The following ADGRG6 variants were observed in gnomAD, a reference collection of about 807,000 sequenced individuals.
ADGRG6 encodes the protein adhesion G protein-coupled receptor G6.
A neutral mutation model predicts 142.4 loss-of-function variants in ADGRG6; 84 were observed. The ratio of observed to expected loss-of-function variants is 0.59; its 90% CI spans 0.49 to 0.71. ADGRG6 has a LOEUF of 0.71. Ranked by LOEUF, ADGRG6 falls within the 30% of genes least tolerant of loss-of-function variation. The pLI, the probability that ADGRG6 is intolerant of heterozygous loss-of-function variation, is 0.00. For synonymous variants in ADGRG6, 521 were observed against 520.5 expected, an observed-to-expected ratio of 1.00 and a Z score of -0.01; for missense variants, 1,367 against 1,466.6, an observed-to-expected ratio of 0.93 and a Z score of 1.11.
rs564309071 is a variant in ADGRG6, at chr6:142,327,780, A to G, written c.103+18136A>G. On this transcript the variant is annotated intron_variant, in intron 2 of 24. Transcript: ENST00000367609. ...GAGTTGAAATATGCCTCCATGACTC[A>G]TTGTAATGATCAGTAATCATAAACT... is the stretch of plus-strand genomic sequence containing the variant. 1.3e-4 allele frequency among the ~76,000 whole-genome samples: 20 copies of G among 152,258 alleles called. 1 individual carries two copies. The highest frequency in any genetic ancestry group is 3.9e-4 in the African/African-American group (16 of 41,552).
intron 18 of ADGRG6, among the ~76,000 whole-genome samples, chr6:142,412,280 A>G (rs1776127908): frequency 6.6e-6 from 1 of 152,148 alleles, no homozygotes; most frequent in Non-Finnish European, 1.5e-5. Flanking sequence ...GTTTTCATAA[A>G]GGGACCAAAC....
chr6:142,409,887 C>A lies in ADGRG6; in HGVS notation c.2402C>A (p.Pro801His). 6.7e-7 allele frequency: 1 copy of A among 1,481,756 alleles called. No individual in the cohort carries two copies. Among genetic ancestry groups the A allele is most frequent in the Non-Finnish European group, 9.3e-7 (1 of 1,074,394 alleles). 91.8% of individuals were successfully genotyped at this position (1,481,756 alleles called of 1,614,324 possible). ...ATGTTAATATAGGAAGTGCATCATC[C>A]CATCTGTGCCTTCTGGGATCTGAAC... The part of the protein sequence containing the change: ...KHTRTQEVHH[P>H]ICAFWDLNKN... The change falls in exon 17 of 25, where the codon CCC becomes CAC. Residue 801 changes from proline to histidine, a missense_variant. Transcript: ENST00000367609.
At chr6:142,370,146 C>T (rs1370417266) in intron 3 of ADGRG6, 24 bp from the exon 4 acceptor site, 1 of 1,567,636 alleles carries the variant, frequency 6.4e-7, no homozygotes, top group East Asian at 2.3e-5. Context: ...ACAGGTTTAT[C>T]TTTCTTGTTA....
At chr6:142,348,994 T>C (rs1219196024) in intron 2 of ADGRG6, among the ~76,000 whole-genome samples, 1 of 152,228 alleles carries the variant, frequency 6.6e-6, no homozygotes, top group African/African-American at 2.4e-5. Context: ...AAACTTTGTT[T>C]CAAAGTTACA....
At chr6:142,418,914 G>T (rs1245695252) in intron 21 of ADGRG6, among the ~76,000 whole-genome samples, 2 of 152,000 alleles carry the variant, frequency 1.3e-5, no homozygotes, top group African/African-American at 2.4e-5. Flanking sequence ...TGACAACTTT[G>T]CATATAGTAC....
At chr6:142,334,774 T>C (rs1056492013) in intron 2 of ADGRG6, among the ~76,000 whole-genome samples, 2 of 152,216 alleles carry the variant, frequency 1.3e-5, no homozygotes, top group Non-Finnish European at 2.9e-5. Flanking sequence ...CATACTCAGT[T>C]TTACTGTGTT....
chr6:142,425,613 A>C (rs892774207), intron 22 of ADGRG6, among the ~76,000 whole-genome samples: 6 of 152,166 alleles, frequency 3.9e-5, no homozygotes, highest in Admixed American at 1.3e-4. Context: ...GAGGCACCTT[A>C]AAGTCAGCAG....
chr6:142,334,392 T>A (rs1779211513), intron 2 of ADGRG6, among the ~76,000 whole-genome samples: 1 of 152,194 alleles, frequency 6.6e-6, no homozygotes, highest in South Asian at 2.1e-4. Context: ...CTATGCCCCC[T>A]AAAACCATGA....
At chr6:142,341,682 T>A (rs1272620389) in intron 2 of ADGRG6, among the ~76,000 whole-genome samples, 1 of 138,850 alleles carries the variant, frequency 7.2e-6, no homozygotes, top group African/African-American at 2.7e-5. Context: ...TACATATATA[T>A]AAATGGAGAC....
chr6:142,429,683 G>A (rs557004461), intron 22 of ADGRG6, among the ~76,000 whole-genome samples: 7 of 152,290 alleles, frequency 4.6e-5, no homozygotes, highest in African/African-American at 1.7e-4. Context: ...TCAAAAATCA[G>A]TGGTACCTAG....
chr6:142,420,034 T>C lies in ADGRG6; in HGVS notation c.3249T>C (p.Phe1083=). The C allele has an allele frequency of 6.2e-7, 1 of 1,613,500 alleles. No individual in the cohort carries two copies. ...TTCTGTTGGGCATGACATGGGGTTT[T>C]GCATTCTTTGCCTGGGGACCCTTAA... ...LTFLLGMTWG[F]AFFAWGPLNI... The change falls in exon 22 of 25, where the codon TTT becomes TTC. Residue 1083 remains phenylalanine, a synonymous_variant. Coordinates refer to ENST00000367609, the MANE Select transcript of ADGRG6 (RefSeq NM_198569.3).
chr6:142,379,109 C>T (rs750263915), intron 4 of ADGRG6, among the ~76,000 whole-genome samples: 5 of 152,138 alleles, frequency 3.3e-5, no homozygotes, highest in Non-Finnish European at 5.9e-5. Context: ...CCTCAGTTTC[C>T]GTTACTGGAC....
chr6:142,375,277 AT>A (rs1781449181), intron 4 of ADGRG6, among the ~76,000 whole-genome samples: 1 of 152,182 alleles, frequency 6.6e-6, no homozygotes, highest in Non-Finnish European at 1.5e-5. Flanking sequence ...TTTCAAAGTA[AT>A]TTTGTCAAAA....
chr6:142,348,640 T>A (rs1452190740), intron 2 of ADGRG6, among the ~76,000 whole-genome samples: 3 of 151,584 alleles, frequency 2.0e-5, no homozygotes, highest in African/African-American at 7.3e-5. Flanking sequence ...TTTTTTTTTT[T>A]AGATATTTAG....
intron 2 of ADGRG6, among the ~76,000 whole-genome samples, chr6:142,314,793 C>T (rs1777944673): frequency 6.6e-6 from 1 of 152,052 alleles, no homozygotes; most frequent in Non-Finnish European, 1.5e-5. Flanking sequence ...AGAACTAGGA[C>T]AAGTGTGTTA....
intron 2 of ADGRG6, among the ~76,000 whole-genome samples, chr6:142,347,673 G>A (rs1779972917): frequency 6.6e-6 from 1 of 151,878 alleles, no homozygotes; most frequent in Admixed American, 6.6e-5. Flanking sequence ...TACTATACTT[G>A]GTGTATGTCT....
intron 16 of ADGRG6, among the ~76,000 whole-genome samples, chr6:142,409,008 G>A (rs73780223): frequency 8.8e-4 from 134 of 152,200 alleles, no homozygotes; most frequent in African/African-American, 3.2e-3. Flanking sequence ...CATAAAGGAC[G>A]ATTTTTAAAA....
In ADGRG6 at chr6:142,305,429, T is replaced by TACACACACACAC. The variant is rs5880531; in HGVS notation, c.2+3128_2+3139dup. 4.5e-3 allele frequency among the ~76,000 whole-genome samples: 544 copies of TACACACACACAC among 120,824 alleles called. 4 individuals carry two copies. Among genetic ancestry groups the TACACACACACAC allele is most frequent in the African/African-American group, 0.017 (497 of 28,568 alleles). The allele number at this position is 120,824 out of a possible 152,430, so 79.3% of individuals were successfully genotyped here. Reference sequence around the variant, plus strand: ...TGCCCCCCCCCACGAGCCCCTCCTGTACACACACACACACACACACACACA... The same window carrying TACACACACACAC: ...TGCCCCCCCCCACGAGCCCCTCCTGTACACACACACACACACACACACACACACACACACACA... On this transcript the variant is annotated intron_variant, in intron 1 of 24. Coordinates refer to ENST00000367609, the MANE Select transcript of ADGRG6 (RefSeq NM_198569.3).
Position 142,367,905 on chromosome 6 carries a change from T to A in ADGRG6, c.440T>A (p.Ile147Asn), listed in dbSNP as rs75679810. 7,179 of 1,594,250 alleles carry A rather than the reference T, an allele frequency of 4.5e-3. 234 individuals are homozygous for A. In the African/African-American group the frequency reaches 0.076, roughly 17 times the overall value. The change falls in exon 3 of 25, where the codon ATC (isoleucine) becomes AAC (asparagine). Residue 147 changes from isoleucine (I) to asparagine (N), a missense_variant. Transcript: ENST00000367609. ...AAGAAAGGTTTCAATGCCAGCTACATCAGAGGTATGTAAACCAAAGGCAAC... is the reference window on the plus strand; with the variant it reads ...AAGAAAGGTTTCAATGCCAGCTACAACAGAGGTATGTAAACCAAAGGCAAC... ...IQKKGFNASYIRVAVSLRNQK... is the reference protein window; with the variant it reads ...IQKKGFNASYNRVAVSLRNQK...
Sources: allele counts gnomAD v4.1 joint callset (sites outside exome capture counted in the v4.1 genomes callset), GRCh38; gene constraint gnomAD v4.1.1; transcripts MANE v1.5; gene names NCBI Gene and HGNC (gene_info 2026-07-23, HGNC 2026-07-21).